Variants in STX8 observed in about 807,000 individuals in gnomAD.
STX8 encodes syntaxin 8.
A neutral mutation model predicts 37.5 loss-of-function variants in STX8; 23 were observed. The ratio of observed to expected loss-of-function variants is 0.61; its 90% CI spans 0.44 to 0.87. The LOEUF is 0.87. STX8 is among the 40% of genes least tolerant of loss of function. The pLI is 0.00. For synonymous variants in STX8, 115 were observed against 99.1 expected, an observed-to-expected ratio of 1.16 and a Z score of -0.95; for missense variants, 313 against 284.7, an observed-to-expected ratio of 1.10 and a Z score of -0.71.
At chr17:9,260,026 C>T (rs1037320831) in intron 7 of STX8, among the ~76,000 whole-genome samples, 10 of 150,574 alleles carry the variant, frequency 6.6e-5, no homozygotes, top group South Asian at 2.1e-4. Flanking sequence ...AAGACTAGCC[C>T]GGGCAACATG....
At chr17:9,254,827 GCA>G (rs1366144278) in intron 7 of STX8, among the ~76,000 whole-genome samples, 7 of 152,070 alleles carry the variant, frequency 4.6e-5, no homozygotes, top group African/African-American at 9.7e-5. Flanking sequence ...CAGGAAAGAG[GCA>G]CACACACACG....
In STX8 at chr17:9,505,118, G is replaced by A. The variant is rs1904776068; in HGVS notation, c.368C>T (p.Pro123Leu). ...CTCCTCTGGCTCCTCAAAGAGCCAA[G>A]GGTTGGGTGCTCCTCGCTTAGCCTC... The part of the protein sequence containing the change: ...SEEAKRGAPN[P>L]WLFEEPEETR... The change falls in exon 5 of 8, where the codon CCT becomes CTT. Residue 123 changes from proline (P) to leucine (L), a missense_variant. Transcript: ENST00000306357. 6.2e-7 allele frequency: 1 copy of A among 1,614,084 alleles called. No homozygotes were observed. The highest frequency in any genetic ancestry group is 8.5e-7 in the Non-Finnish European group (1 of 1,180,018).
Position 9,513,891 on chromosome 17 carries a change from G to A in STX8, c.324-8729C>T, listed in dbSNP as rs190042506. Among the ~76,000 whole-genome samples, 75 of 152,280 alleles carry A rather than the reference G, an allele frequency of 4.9e-4. 1 individual carries two copies. Among genetic ancestry groups the A allele is most frequent in the Admixed American group, 6.5e-4 (10 of 15,298 alleles). On this transcript the variant is annotated intron_variant, in intron 4 of 7. Transcript: ENST00000306357. ...AGCAACATGGATGGAGCTGGAGGAC[G>A]TTATTATATTAAGTAAAATAAGCCA...
chr17:9,366,288 G>A (rs1911226980), intron 7 of STX8, among the ~76,000 whole-genome samples: 1 of 152,222 alleles, frequency 6.6e-6, no homozygotes, highest in Non-Finnish European at 1.5e-5. Context: ...CAGGAGTGCA[G>A]TGGCATGATC....
At chr17:9,486,743 C>T (rs1460199989) in intron 6 of STX8, among the ~76,000 whole-genome samples, 2 of 152,062 alleles carry the variant, frequency 1.3e-5, no homozygotes, top group African/African-American at 4.8e-5. Context: ...CCTGTAGTCC[C>T]AGATACTCAG....
intron 6 of STX8, among the ~76,000 whole-genome samples, chr17:9,460,906 T>C (rs985629283): frequency 2.0e-5 from 3 of 151,406 alleles, no homozygotes; most frequent in Non-Finnish European, 4.4e-5. Context: ...ATAATAATAC[T>C]AACTTCATAA....
intron 7 of STX8, among the ~76,000 whole-genome samples, chr17:9,356,931 C>A (rs1432423509): frequency 6.7e-6 from 1 of 150,090 alleles, no homozygotes; most frequent in African/African-American, 2.4e-5. Flanking sequence ...CTGCACCTTC[C>A]CCTTTTCATT....
intron 6 of STX8, among the ~76,000 whole-genome samples, chr17:9,403,241 A>G (rs1182319326): frequency 4.6e-5 from 7 of 152,212 alleles, no homozygotes; most frequent in Non-Finnish European, 1.0e-4. Context: ...TATCACAGGT[A>G]TGGGGGACTG....
chr17:9,418,410 TAAC>T (rs1913274857), intron 6 of STX8, among the ~76,000 whole-genome samples: 1 of 150,764 alleles, frequency 6.6e-6, no homozygotes, highest in African/African-American at 2.4e-5. Flanking sequence ...GAGATGGTTC[TAAC>T]AACATGCCAG....
At chr17:9,274,761 T>TC (rs1403772511) in intron 7 of STX8, among the ~76,000 whole-genome samples, 1 of 129,966 alleles carries the variant, frequency 7.7e-6, no homozygotes, top group East Asian at 2.3e-4. Flanking sequence ...CTTTTTTTTT[T>TC]TTTTTTTTGA....
intron 7 of STX8, among the ~76,000 whole-genome samples, chr17:9,263,088 C>T (rs942595372): frequency 4.6e-5 from 7 of 152,234 alleles, no homozygotes; most frequent in Admixed American, 3.3e-4. Context: ...TGGGTTGCAT[C>T]TCCTTACTCT....
At chr17:9,410,709 C>T (rs995401702) in intron 6 of STX8, among the ~76,000 whole-genome samples, 3 of 152,172 alleles carry the variant, frequency 2.0e-5, no homozygotes, top group East Asian at 1.9e-4. Context: ...CTAATGTTTA[C>T]GTTTCAACTT....
chr17:9,500,200 T>A (rs1379106086), intron 5 of STX8, among the ~76,000 whole-genome samples: 1 of 152,138 alleles, frequency 6.6e-6, no homozygotes, highest in Non-Finnish European at 1.5e-5. Context: ...CGAAATAGAA[T>A]CAGATTTCTG....
chr17:9,389,548 A>G (rs974788642), intron 6 of STX8, among the ~76,000 whole-genome samples: 1 of 152,240 alleles, frequency 6.6e-6, no homozygotes, highest in African/African-American at 2.4e-5. Context: ...AAGAAATATT[A>G]TATGATGTCA....
intron 4 of STX8, among the ~76,000 whole-genome samples, chr17:9,508,627 C>T (rs371632451): frequency 1.1e-3 from 168 of 152,286 alleles, no homozygotes; most frequent in African/African-American, 3.6e-3. Flanking sequence ...CCATGCGTGG[C>T]TGAATTTTTG....
rs553738865 is a variant in STX8, at chr17:9,326,400, G to A, written c.643+52152C>T. Among the ~76,000 whole-genome samples the A allele has an allele frequency of 2.6e-5, 4 of 152,312 alleles. No individual in the cohort carries two copies. In the South Asian group the frequency reaches 8.3e-4, roughly 32 times the overall value. ...GCCTCCCAAAGCGCCAGGATGACAG[G>A]TGTGAGCCACTGTGCCCAGCTTCCT... On this transcript the variant is annotated intron_variant, in intron 7 of 7. Coordinates refer to ENST00000306357, the MANE Select transcript of STX8 (RefSeq NM_004853.3).
intron 7 of STX8, among the ~76,000 whole-genome samples, chr17:9,295,122 C>A (rs1271600286): frequency 1.3e-5 from 2 of 152,194 alleles, no homozygotes; most frequent in Non-Finnish European, 2.9e-5. Context: ...CCTTGTTGGC[C>A]CTGCCACCTC....
chr17:9,482,117 T>C (rs1464920948), intron 6 of STX8, among the ~76,000 whole-genome samples: 1 of 152,022 alleles, frequency 6.6e-6, no homozygotes, highest in Non-Finnish European at 1.5e-5. Flanking sequence ...GGCCACAGTG[T>C]ACCATGATCG....
At chr17:9,362,836 AAAAAAAATAAATAAAT>A (rs1482108999) in intron 7 of STX8, among the ~76,000 whole-genome samples, 1 of 106,866 alleles carries the variant, frequency 9.4e-6, no homozygotes, top group Non-Finnish European at 1.7e-5. Flanking sequence ...CTCAAAAAAA[AAAAAAAATAAATAAAT>A]AAATAAATAA....
Sources: allele counts gnomAD v4.1 joint callset (sites outside exome capture counted in the v4.1 genomes callset), GRCh38; gene constraint gnomAD v4.1.1; transcripts MANE v1.5; gene names NCBI Gene and HGNC (gene_info 2026-07-23, HGNC 2026-07-21).